ABLIM2: variants seen among roughly 807,000 people sequenced by gnomAD.
ABLIM2 encodes the protein actin binding LIM protein family member 2.
ABLIM2 carries 53 observed loss-of-function variants against 97.7 expected under a neutral mutation model. That is an observed-to-expected ratio of 0.54 (90% CI 0.44 to 0.68). The LOEUF is 0.68. Among genes scored for constraint, ABLIM2 ranks in the 30% least tolerant of loss-of-function variants. The probability of loss-of-function intolerance (pLI) is 0.00; values close to 1 mark genes in which losing one functional copy is unlikely to be tolerated. For missense variants in ABLIM2, 835 were observed against 867.2 expected, an observed-to-expected ratio of 0.96 and a Z score of 0.47; for synonymous variants, 361 against 345.8, an observed-to-expected ratio of 1.04 and a Z score of -0.49.
chr4:8,115,347 C>T (rs1842344181), intron 1 of ABLIM2, among the ~76,000 whole-genome samples: 1 of 152,198 alleles, frequency 6.6e-6, no homozygotes, highest in African/African-American at 2.4e-5. Context: ...CCATGAGCCA[C>T]TCCTCCTTTC....
rs11723916 is a variant in ABLIM2, at chr4:8,095,012, C to T, written c.338+2087G>A. ...TTTCTTTTCCTTTTTCTTTCTTTCT[C>T]TCTCTCTCTCCCCCCACTTCTTTCC... is the stretch of plus-strand genomic sequence containing the variant. On this transcript the variant is annotated intron_variant, in intron 3 of 20. Transcript: ENST00000447017. This position sits in a 1 kb window ranked among gnomAD's most constrained non-coding sequence, Gnocchi z 4.7. Among the ~76,000 whole-genome samples the T allele has an allele frequency of 3.4e-4, 40 of 118,930 alleles. No individual in the cohort carries two copies. The highest frequency in any genetic ancestry group is 2.7e-3 in the Admixed American group (32 of 11,790). 78.0% of individuals were successfully genotyped at this position (118,930 alleles called of 152,430 possible).
At chr4:8,143,558 C>T (rs1397639861) in intron 1 of ABLIM2, among the ~76,000 whole-genome samples, 1 of 152,132 alleles carries the variant, frequency 6.6e-6, no homozygotes, top group African/African-American at 2.4e-5. Flanking sequence ...CTTTGTCTGG[C>T]TAACTCCTAC....
chr4:8,153,745 T>C (rs1276807791), intron 1 of ABLIM2, among the ~76,000 whole-genome samples: 1 of 152,114 alleles, frequency 6.6e-6, no homozygotes, highest in African/African-American at 2.4e-5. Context: ...ATTTGATCTT[T>C]CAGTACAAAA....
In ABLIM2 at chr4:8,120,465, A is replaced by T. The variant is rs1450702540; in HGVS notation, c.11-13828T>A. ...GTGTGTTTTGTCGTGGCAGCATGGG[A>T]AACCAGAGGGAACCCAACATGAAGA... is the stretch of plus-strand genomic sequence containing the variant. On this transcript the variant is annotated intron_variant, in intron 1 of 20. Transcript: ENST00000447017. This position sits in a 1 kb window ranked among gnomAD's most constrained non-coding sequence, Gnocchi z 5.6. Among the ~76,000 whole-genome samples the T allele has an allele frequency of 6.6e-6, 1 of 152,154 alleles. No homozygotes were observed. Among genetic ancestry groups the T allele is most frequent in the Non-Finnish European group, 1.5e-5 (1 of 68,034 alleles).
In ABLIM2 at chr4:8,019,424, C is replaced by T. The variant is rs12500190; in HGVS notation, c.1423+194G>A. 0.3 allele frequency among the ~76,000 whole-genome samples: 45,878 copies of T among 152,092 alleles called. 7,977 individuals carry two copies. The highest frequency in any genetic ancestry group is 0.4 in the Non-Finnish European group (27,379 of 67,960). ...CAGAAGTTCCTTACTCAGACATACCCTTCATCGTAATTTATCAGAACAGGA... is the reference window on the plus strand; with the variant it reads ...CAGAAGTTCCTTACTCAGACATACCTTTCATCGTAATTTATCAGAACAGGA... On this transcript the variant is annotated intron_variant, in intron 14 of 20. Coordinates refer to ENST00000447017, the MANE Select transcript of ABLIM2 (RefSeq NM_001130083.2). The surrounding 1 kb of genome is among the most constrained non-coding windows in gnomAD (Gnocchi z 4.3).
At chr4:8,101,596 C>T (rs17795478) in intron 2 of ABLIM2, among the ~76,000 whole-genome samples, 67,255 of 152,048 alleles carry the variant, frequency 0.44, 15,322 homozygotes, top group South Asian at 0.56. Context: ...GCGCAGCTCA[C>T]GGGCTCTCCT....
Position 8,071,751 on chromosome 4 carries a change from G to A in ABLIM2, c.675+5877C>T. On this transcript the variant is annotated intron_variant, in intron 6 of 20. Coordinates refer to ENST00000447017, the MANE Select transcript of ABLIM2 (RefSeq NM_001130083.2). The surrounding 1 kb of genome is among the most constrained non-coding windows in gnomAD (Gnocchi z 6.2). ...GAGCCCCCATCAGCCCCTTGGAGTTGCGGGCCAGGTTTCCTACCTGCACAG... is the reference window on the plus strand; with the variant it reads ...GAGCCCCCATCAGCCCCTTGGAGTTACGGGCCAGGTTTCCTACCTGCACAG... The A allele has an allele frequency of 1.0e-6, 1 of 976,760 alleles. No individual in the cohort carries two copies. Among genetic ancestry groups the A allele is most frequent in the Non-Finnish European group, 1.2e-6 (1 of 826,814 alleles). The allele number at this position is 976,760 out of a possible 1,614,324, so 60.5% of individuals were successfully genotyped here.
intron 16 of ABLIM2, among the ~76,000 whole-genome samples, chr4:7,997,793 T>C (rs1056776294): frequency 2.6e-5 from 4 of 152,198 alleles, no homozygotes; most frequent in Non-Finnish European, 5.9e-5. Flanking sequence ...TGTTGAAGCA[T>C]TTTTTAGTGA....
intron 20 of ABLIM2, among the ~76,000 whole-genome samples, chr4:7,982,969 C>G (rs1383672893): frequency 1.3e-5 from 2 of 152,232 alleles, no homozygotes; most frequent in Non-Finnish European, 2.9e-5. Flanking sequence ...TCCCAAAGTG[C>G]TGGGATTACA....
chr4:8,052,003 C>G (rs1385707677), intron 8 of ABLIM2, among the ~76,000 whole-genome samples: 3 of 152,212 alleles, frequency 2.0e-5, no homozygotes, highest in African/African-American at 4.8e-5. Context: ...TGGAGCCCCC[C>G]CTCCCTCTTT....
Position 8,079,703 on chromosome 4 carries a change from C to T in ABLIM2, c.581+973G>A, listed in dbSNP as rs185449974. On this transcript the variant is annotated intron_variant, in intron 5 of 20. Transcript: ENST00000447017. ...AGGAAGTCAACACGGGCACATCCAC[C>T]GACGTGATTCAGGTTCCGTGTGACA... is the stretch of plus-strand genomic sequence containing the variant. Among the ~76,000 whole-genome samples the T allele has an allele frequency of 1.4e-3, 217 of 152,228 alleles. 1 individual carries two copies. Among genetic ancestry groups the T allele is most frequent in the African/African-American group, 4.3e-3 (180 of 41,540 alleles).
intron 17 of ABLIM2, among the ~76,000 whole-genome samples, chr4:7,985,949 C>T (rs1743604316): frequency 6.6e-6 from 1 of 152,268 alleles, no homozygotes; most frequent in African/African-American, 2.4e-5. Flanking sequence ...CCTGCCCCTG[C>T]CCACTTCCTG....
At chr4:8,153,380 T>C (rs1366037675) in intron 1 of ABLIM2, among the ~76,000 whole-genome samples, 8 of 152,218 alleles carry the variant, frequency 5.3e-5, no homozygotes, top group Admixed American at 5.2e-4. Flanking sequence ...TCAAAGGATC[T>C]TGAGTGGCCA....
intron 3 of ABLIM2, among the ~76,000 whole-genome samples, chr4:8,093,033 G>A (rs577812492): frequency 1.6e-4 from 25 of 152,156 alleles, no homozygotes; most frequent in African/African-American, 5.5e-4. Flanking sequence ...ATTTTTAGTA[G>A]AGACAGGGTT....
intron 14 of ABLIM2, among the ~76,000 whole-genome samples, chr4:8,016,843 A>T (rs1769692275): frequency 6.6e-6 from 1 of 151,850 alleles, no homozygotes; most frequent in Non-Finnish European, 1.5e-5. Context: ...CCGCCGATGA[A>T]CTCTGTTTCT....
rs767734923 is a variant in ABLIM2, at chr4:8,150,593, G to T, written c.10+8087C>A. Among the ~76,000 whole-genome samples the T allele has an allele frequency of 1.8e-4, 28 of 152,218 alleles. No individual in the cohort carries two copies. Among genetic ancestry groups the T allele is most frequent in the Non-Finnish European group, 3.1e-4 (21 of 68,044 alleles). ...CCAAAGTCCCAAACTTCCAGCACAG[G>T]GTGCGAGCTCCGTGCCGGAGGCGGG... On this transcript the variant is annotated intron_variant, in intron 1 of 20. Coordinates refer to ENST00000447017, the MANE Select transcript of ABLIM2 (RefSeq NM_001130083.2). The surrounding 1 kb of genome is among the most constrained non-coding windows in gnomAD (Gnocchi z 6.3).
At position 8,097,158 on chromosome 4, in the gene ABLIM2, C is replaced by A; in HGVS notation, c.279G>T (p.Glu93Asp). ...AGGTCTTGCCCAGCGCCGACACCAC[C>A]TCACCCTCAATGAACTGGTCGCAGC... ...CFSCDQFIEG[E>D]VVSALGKTYH... The change falls in exon 3 of 21, where the codon GAG (glutamate) becomes GAT (aspartate). Residue 93 changes from glutamate to aspartate, a missense_variant. Glu to Asp is a conservative substitution (Grantham distance 45). Coordinates refer to ENST00000447017, the MANE Select transcript of ABLIM2 (RefSeq NM_001130083.2). The A allele has an allele frequency of 6.2e-7, 1 of 1,610,774 alleles. No individual in the cohort carries two copies. Among genetic ancestry groups the A allele is most frequent in the Non-Finnish European group, 8.5e-7 (1 of 1,178,774 alleles).
At chr4:8,098,417 C>A (rs1415906625) in intron 2 of ABLIM2, among the ~76,000 whole-genome samples, 1 of 152,236 alleles carries the variant, frequency 6.6e-6, no homozygotes, top group Non-Finnish European at 1.5e-5. Context: ...TTAACTGTTA[C>A]ATCATTCCTT....
At position 7,996,030 on chromosome 4, in the gene ABLIM2, C is replaced by T. The variant is rs1286950451; in HGVS notation, c.1619-3103G>A. Among the ~76,000 whole-genome samples the T allele has an allele frequency of 6.6e-6, 1 of 152,166 alleles. No individual in the cohort carries two copies. The highest frequency in any genetic ancestry group is 2.4e-5 in the African/African-American group (1 of 41,450). On this transcript the variant is annotated intron_variant, in intron 16 of 20. Coordinates refer to ENST00000447017, the MANE Select transcript of ABLIM2 (RefSeq NM_001130083.2). The surrounding 1 kb of genome is among the most constrained non-coding windows in gnomAD (Gnocchi z 4.5). ...CCTGGGGTCCTCCAGGAGACACCTT[C>T]CTCCTCCTTCATGCCCAGAGCCAGG...
Sources: gnomAD v4.1 joint callset for allele counts (sites outside exome capture counted in the v4.1 genomes callset) on GRCh38, gnomAD v4.1.1 for gene constraint, Gnocchi (gnomAD v3.1) non-coding constraint, MANE v1.5 for transcripts, NCBI Gene and HGNC (gene_info 2026-07-23, HGNC 2026-07-21) for gene names.